KAT5: variants seen among roughly 807,000 people sequenced by gnomAD.
The protein encoded by KAT5 is lysine acetyltransferase 5.
Under a neutral mutation model 68.1 loss-of-function variants are expected in KAT5, and 31 were observed. The observed-to-expected ratio is 0.46, with a 90% CI of 0.34 to 0.61. The LOEUF (loss-of-function observed/expected upper bound fraction) is 0.61, where lower values mean the gene tolerates loss of function less well. Among genes scored for constraint, KAT5 ranks in the 20% least tolerant of loss-of-function variants. KAT5 has a pLI of 0.01. For synonymous variants in KAT5, 365 were observed against 292.6 expected, an observed-to-expected ratio of 1.25 and a Z score of -2.52; for missense variants, 451 against 725.5, an observed-to-expected ratio of 0.62 and a Z score of 4.35.
At chr11:65,716,602 C>T (rs921982831) in intron 8 of KAT5, 65 bp from the exon 9 acceptor site, 3 of 1,512,560 alleles carry the variant, frequency 2.0e-6, no homozygotes, top group Admixed American at 1.7e-5. Context: ...TCCTGGTTGA[C>T]CCTGAACCAC....
At position 65,712,968 on chromosome 11, in the gene KAT5, AAAG is replaced by A. The variant is rs1384217133; in HGVS notation, c.299_301del (p.Lys100del). 4 of 1,614,132 alleles carry A rather than the reference AAAG, an allele frequency of 2.5e-6. No individual in the cohort carries two copies. The highest frequency in any genetic ancestry group is 1.7e-5 in the Admixed American group (1 of 60,010). ...GGGTGACGCATGAGCGGCTGGACCT[AAAG>A]AAGATCCAGTTCCCCAAGAAAGAGG... On this transcript the variant is annotated inframe_deletion, in exon 3 of 13. Coordinates refer to ENST00000341318, the MANE Select transcript of KAT5 (RefSeq NM_182710.3).
At position 65,714,715 on chromosome 11, in the gene KAT5, G is replaced by A. The variant is rs760709797; in HGVS notation, c.911G>A (p.Arg304His). The change falls in exon 7 of 13, where the codon CGT becomes CAT. Residue 304 changes from arginine to histidine, a missense_variant. Around this residue, in one of 4 missense-constraint regions of KAT5, gnomAD observed 210 missense variants for 423.7 expected, o/e 0.50. Coordinates refer to ENST00000341318, the MANE Select transcript of KAT5 (RefSeq NM_182710.3). ...TGCGAGTTCTGCCTCAAGTACGGCCGTAGTCTCAAGTGTCTTCAGCGTCAT... is the reference window on the plus strand; with the variant it reads ...TGCGAGTTCTGCCTCAAGTACGGCCATAGTCTCAAGTGTCTTCAGCGTCAT... ...YLCEFCLKYG[R>H]SLKCLQRHLT... 38 of 1,614,088 alleles carry A rather than the reference G, an allele frequency of 2.4e-5. No individual in the cohort carries two copies. The East Asian group carries it at 3.3e-4, about 14-fold the overall frequency.
At chr11:65,717,032 TC>T (rs746090857) in intron 10 of KAT5, 50 bp downstream of exon 10, 1 of 1,392,008 alleles carries the variant, frequency 7.2e-7, no homozygotes. Flanking sequence ...TATCGGTGCC[TC>T]ACAGGCAGAT....
chr11:65,719,361 T>C lies in KAT5; in HGVS notation c.*180T>C. Reference sequence around the variant, plus strand: ...CCCAGCACCAAGGCGAGCTCCGGGCTCAGACCAACTCCAAGGTCAGCTGGC... The same window carrying C: ...CCCAGCACCAAGGCGAGCTCCGGGCCCAGACCAACTCCAAGGTCAGCTGGC... On this transcript the variant is annotated 3_prime_UTR_variant, in exon 13 of 13. Transcript: ENST00000341318. 1.4e-6 allele frequency: 1 copy of C among 738,194 alleles called. No homozygotes were observed. Among genetic ancestry groups the C allele is most frequent in the Non-Finnish European group, 2.2e-6 (1 of 462,832 alleles). The allele number at this position is 738,194 out of a possible 1,614,324, so 45.7% of individuals were successfully genotyped here.
rs1269744752 is a variant in KAT5 at position 65,719,585 on chromosome 11, T to G, written c.*404T>G. On this transcript the variant is annotated 3_prime_UTR_variant, in exon 13 of 13. Coordinates refer to ENST00000341318, the MANE Select transcript of KAT5 (RefSeq NM_182710.3). ...CTCTTACCCCTATTGCCCCCGGCAA[T>G]AAATTGTTTCTATATGCCAGAGCCA... 11 of 670,462 alleles carry G rather than the reference T, an allele frequency of 1.6e-5. No individual in the cohort carries two copies. Among genetic ancestry groups the G allele is most frequent in the Non-Finnish European group, 2.9e-5 (11 of 378,932 alleles). The allele number at this position is 670,462 out of a possible 1,614,324, so 41.5% of individuals were successfully genotyped here. A position where few individuals can be genotyped will look rare whatever the true frequency, so the allele number is the denominator to read the frequency against.
chr11:65,714,668 C>G lies in KAT5; in HGVS notation c.864C>G (p.Thr288=), dbSNP rs1857137187. 2 of 1,614,116 alleles carry G rather than the reference C, an allele frequency of 1.2e-6. No individual in the cohort carries two copies. Among genetic ancestry groups the G allele is most frequent in the African/African-American group, 2.7e-5 (2 of 74,944 alleles). The change falls in exon 7 of 13, where the codon ACC becomes ACG. Residue 288 remains threonine (T), a synonymous_variant. Transcript: ENST00000341318. Reference sequence around the variant, plus strand: ...TCTCCCCGTACCCACAGGAACTCACCACATTGCCTGTCCTCTACCTGTGCG... The same window carrying G: ...TCTCCCCGTACCCACAGGAACTCACGACATTGCCTGTCCTCTACCTGTGCG... The part of the protein sequence containing the change: ...WYFSPYPQEL[T]TLPVLYLCEF...
At chr11:65,714,115 A>G (rs1275765397) in intron 6 of KAT5, 4 of 529,038 alleles carry the variant, frequency 7.6e-6, no homozygotes, top group Admixed American at 6.7e-5. Flanking sequence ...CCTGGCCAAC[A>G]TGGTGAAACC....
Position 65,718,690 on chromosome 11 carries a change from C to T in KAT5, c.1365C>T (p.Ile455=), listed in dbSNP as rs1247616582. 7 of 1,614,204 alleles carry T rather than the reference C, an allele frequency of 4.3e-6. No individual in the cohort carries two copies. The highest frequency in any genetic ancestry group is 5.9e-6 in the Non-Finnish European group (7 of 1,180,028). ...ATCGAAGCTACTGGTCCCAGACCAT[C>T]CTGGAGATCCTGATGGGGCTGAAGT... is the stretch of plus-strand genomic sequence containing the variant. ...LSYRSYWSQT[I]LEILMGLKSE... Residue 455 remains isoleucine (I), a synonymous_variant, in exon 11 of 13, where the codon ATC becomes ATT. Coordinates refer to ENST00000341318, the MANE Select transcript of KAT5 (RefSeq NM_182710.3).
intron 1 of KAT5, 31 bp from the exon 2 acceptor site, chr11:65,712,735 T>C (rs1857064639): frequency 1.2e-6 from 2 of 1,612,778 alleles, no homozygotes; most frequent in African/African-American, 2.7e-5. Flanking sequence ...GCCTGGCCTG[T>C]CTAAGGCCCC....
intron 10 of KAT5, 112 bp from the exon 11 acceptor site, chr11:65,718,478 T>C: frequency 9.3e-7 from 1 of 1,079,794 alleles, no homozygotes; most frequent in East Asian, 2.4e-5. Flanking sequence ...AACTGCCAAG[T>C]GGCAGGGCCA....
At position 65,716,723 on chromosome 11, in the gene KAT5, G is replaced by T; in HGVS notation, c.1086G>T (p.Leu362=). The T allele has an allele frequency of 6.2e-7, 1 of 1,613,894 alleles. No homozygotes were observed. The part of the protein sequence containing the change: ...LAKCFLDHKT[L]YYDTDPFLFY... ...AGTGTTTCCTTGACCATAAGACACT[G>T]TACTATGACACAGACCCTTTCCTCT... Residue 362 remains leucine, a synonymous_variant, in exon 9 of 13, where the codon CTG becomes CTT. Coordinates refer to ENST00000341318, the MANE Select transcript of KAT5 (RefSeq NM_182710.3).
intron 8 of KAT5, chr11:65,716,105 T>C (rs1185546965): frequency 6.6e-6 from 1 of 152,640 alleles, no homozygotes; most frequent in Middle Eastern, 3.2e-3. Flanking sequence ...ATTCATAATT[T>C]TGCTGGGGTA....
rs760317113 is a variant in KAT5, at chr11:65,713,495, C to A, written c.532C>A (p.Arg178Ser). Reference sequence around the variant, plus strand: ...CAGCTCCTGCCTGCAGCCCAACCACCGCTCAACGGTACCCTCAGCAATTCC... The same window carrying A: ...CAGCTCCTGCCTGCAGCCCAACCACAGCTCAACGGTACCCTCAGCAATTCC... ...SSSSCLQPNHRSTKRKVEVVS... is the reference protein window; with the variant it reads ...SSSSCLQPNHSSTKRKVEVVS... The change falls in exon 4 of 13, where the codon CGC becomes AGC. Residue 178 changes from arginine to serine, a missense_variant. By Grantham distance (110) the Arg-to-Ser change is moderately radical. Coordinates refer to ENST00000341318, the MANE Select transcript of KAT5 (RefSeq NM_182710.3). 6.2e-7 allele frequency: 1 copy of A among 1,614,110 alleles called. No homozygotes were observed. Among genetic ancestry groups the A allele is most frequent in the African/African-American group, 1.3e-5 (1 of 74,954 alleles).
chr11:65,713,888 G>A, intron 6 of KAT5, 40 bp downstream of exon 6: 2 of 1,519,296 alleles, frequency 1.3e-6, no homozygotes, highest in Non-Finnish European at 1.8e-6. Context: ...GGGTGAAAAG[G>A]AAGGGATGCA....
intron 1 of KAT5, 45 bp from the exon 2 acceptor site, chr11:65,712,721 C>T (rs755217033): frequency 4.4e-6 from 7 of 1,606,650 alleles, no homozygotes; most frequent in South Asian, 3.3e-5. Flanking sequence ...GGTGGAGTCT[C>T]ATAGCCTGGC....
At chr11:65,714,105 C>G (rs1857120183) in intron 6 of KAT5, 1 of 540,610 alleles carries the variant, frequency 1.8e-6, no homozygotes, top group Non-Finnish European at 3.3e-6. Context: ...TTGAGACCAG[C>G]CTGGCCAACA....
chr11:65,719,362 C>T lies in KAT5; in HGVS notation c.*181C>T. ...CCAGCACCAAGGCGAGCTCCGGGCT[C>T]AGACCAACTCCAAGGTCAGCTGGCC... On this transcript the variant is annotated 3_prime_UTR_variant, in exon 13 of 13. Transcript: ENST00000341318. 1 of 739,138 alleles carries T rather than the reference C, an allele frequency of 1.4e-6. No individual in the cohort carries two copies. Among genetic ancestry groups the T allele is most frequent in the South Asian group, 1.9e-5 (1 of 53,410 alleles). The allele number at this position is 739,138 out of a possible 1,614,324, so 45.8% of individuals were successfully genotyped here. A position where few individuals can be genotyped will look rare whatever the true frequency, so the allele number is the denominator to read the frequency against.
At chr11:65,716,621 C>T (rs768148196) in intron 8 of KAT5, 46 bp from the exon 9 acceptor site, 3 of 1,592,560 alleles carry the variant, frequency 1.9e-6, no homozygotes, top group African/African-American at 1.3e-5. Context: ...ACTGGCCAGG[C>T]TCAAGGCGGG....
At position 65,712,821 on chromosome 11, in the gene KAT5, C is replaced by T. The variant is rs1857068073; in HGVS notation, c.234C>T (p.Val78=). 2 of 1,614,156 alleles carry T rather than the reference C, an allele frequency of 1.2e-6. No individual in the cohort carries two copies. The highest frequency in any genetic ancestry group is 1.7e-6 in the Non-Finnish European group (2 of 1,180,026). Residue 78 remains valine (V), a synonymous_variant, in exon 2 of 13, where the codon GTC becomes GTT. Transcript: ENST00000341318. ...TCAGTGGCCGGAAGCTTTTCTACGT[C>T]CATTACATTGACTGTGAGTTCTGGG... ...KDISGRKLFY[V]HYIDFNKRLD...
Sources: gnomAD v4.1 joint callset for allele counts on GRCh38, gnomAD v4.1.1 for gene constraint, gnomAD v4.1.1 regional missense constraint, MANE v1.5 for transcripts, NCBI Gene and HGNC (gene_info 2026-07-23, HGNC 2026-07-21) for gene names.